EML6: variants seen among roughly 807,000 people sequenced by gnomAD.
The protein encoded by EML6 is echinoderm microtubule-associated protein-like 6.
A neutral mutation model predicts 240.1 loss-of-function variants in EML6; 154 were observed. The ratio of observed to expected loss-of-function variants is 0.64; its 90% CI spans 0.56 to 0.73. EML6 has a LOEUF of 0.73. Ranked by LOEUF, EML6 falls within the 30% of genes least tolerant of loss-of-function variation. EML6 has a pLI of 0.00. For synonymous variants in EML6, 1,148 were observed against 899.0 expected (o/e 1.28, Z -4.95); for missense variants, 2,964 against 2,474.6 (o/e 1.20, Z -4.20).
chr2:54,860,872 C>T (rs1050792185), intron 12 of EML6, among the ~76,000 whole-genome samples: 34 of 152,284 alleles, frequency 2.2e-4, no homozygotes, highest in African/African-American at 8.2e-4. Context: ...ACAGCTACCT[C>T]CCAGAGGACT....
chr2:54,857,178 G>T (rs1182441152), intron 11 of EML6, among the ~76,000 whole-genome samples: 1 of 152,218 alleles, frequency 6.6e-6, no homozygotes. Context: ...CTTGTTGTAA[G>T]TTAGGGGCCC....
intron 3 of EML6, among the ~76,000 whole-genome samples, chr2:54,814,969 A>C (rs1409211357): frequency 6.6e-6 from 1 of 152,240 alleles, no homozygotes; most frequent in East Asian, 1.9e-4. Context: ...TGACTTCCTG[A>C]ATAAACTGAA....
chr2:54,864,679 C>T (rs749506566), intron 13 of EML6, among the ~76,000 whole-genome samples: 6 of 152,212 alleles, frequency 3.9e-5, no homozygotes, highest in Non-Finnish European at 5.9e-5. Context: ...AGATATAGGC[C>T]TATGGCAGCT....
rs1669310659 is a variant in EML6, at chr2:54,789,552, A to AAAGAAT, written c.198-23679_198-23674dup. ...AAAAAAAAAAAAAAAAAAAAAAGAA[A>AAAGAAT]AAGAATGTGCTTTCCAAAGTAGACA... is the stretch of plus-strand genomic sequence containing the variant. On this transcript the variant is annotated intron_variant, in intron 2 of 41. Transcript: ENST00000356458. 3.5e-5 allele frequency among the ~76,000 whole-genome samples: 5 copies of AAAGAAT among 143,588 alleles called. No homozygotes were observed. The Admixed American group carries it at 3.5e-4, about 10-fold the overall frequency. 94.2% of individuals were successfully genotyped at this position (143,588 alleles called of 152,430 possible). A position where few individuals can be genotyped will look rare whatever the true frequency, so the allele number is the denominator to read the frequency against.
Position 54,790,958 on chromosome 2 carries a change from C to G in EML6, c.198-22274C>G, listed in dbSNP as rs907346799. ...GCCAGGATGGTCTCGATCTCCTGACCTCGTGATCCGCCCGCCTCGGCCTCC... is the reference window on the plus strand; with the variant it reads ...GCCAGGATGGTCTCGATCTCCTGACGTCGTGATCCGCCCGCCTCGGCCTCC... On this transcript the variant is annotated intron_variant, in intron 2 of 41. Transcript: ENST00000356458. Among the ~76,000 whole-genome samples the G allele has an allele frequency of 9.9e-5, 15 of 152,058 alleles. 1 individual carries two copies. Among genetic ancestry groups the G allele is most frequent in the Admixed American group, 9.2e-4 (14 of 15,250 alleles).
chr2:54,970,223 T>A lies in EML6; in HGVS notation c.*128T>A. 1 of 887,788 alleles carries A rather than the reference T, an allele frequency of 1.1e-6. No individual in the cohort carries two copies. Among genetic ancestry groups the A allele is most frequent in the Non-Finnish European group, 1.8e-6 (1 of 550,332 alleles). 55.0% of individuals were successfully genotyped at this position (887,788 alleles called of 1,614,324 possible). On this transcript the variant is annotated 3_prime_UTR_variant, in exon 42 of 42. Coordinates refer to ENST00000356458, the MANE Select transcript of EML6 (RefSeq NM_001039753.4). The stretch of plus-strand genomic sequence containing the variant: ...ACCATGCTGCCCCGGATGCACAAGC[T>A]CAAAACGCTGCAGAAGTTACACAAC...
intron 29 of EML6, 137 bp downstream of exon 29, chr2:54,949,097 T>G: frequency 1.5e-6 from 1 of 681,478 alleles, no homozygotes; most frequent in Non-Finnish European, 2.6e-6. Flanking sequence ...CCCCTCTCCC[T>G]CCTACGTAGC....
intron 2 of EML6, among the ~76,000 whole-genome samples, chr2:54,802,335 A>G (rs1358961802): frequency 2.0e-5 from 3 of 151,906 alleles, no homozygotes; most frequent in African/African-American, 4.8e-5. Flanking sequence ...CTTGGTAATA[A>G]TTTTAGTAGG....
chr2:54,804,537 C>G (rs2567845), intron 2 of EML6, among the ~76,000 whole-genome samples: 2 of 152,266 alleles, frequency 1.3e-5, no homozygotes, highest in South Asian at 4.1e-4. Flanking sequence ...ATAAATGTGA[C>G]ATAGCCATCA....
chr2:54,919,116 A>G (rs1004399616), intron 26 of EML6, among the ~76,000 whole-genome samples: 1 of 152,254 alleles, frequency 6.6e-6, no homozygotes, highest in Middle Eastern at 3.4e-3. Flanking sequence ...ACTCACGTAA[A>G]TGAGTTCTGT....
intron 22 of EML6, among the ~76,000 whole-genome samples, chr2:54,902,717 A>G (rs1336226282): frequency 6.6e-6 from 1 of 152,092 alleles, no homozygotes; most frequent in Non-Finnish European, 1.5e-5. Context: ...TACTTTTTGT[A>G]CAGGGTGGGT....
At chr2:54,833,569 C>T (rs1668984516) in intron 7 of EML6, among the ~76,000 whole-genome samples, 1 of 152,198 alleles carries the variant, frequency 6.6e-6, no homozygotes, top group African/African-American at 2.4e-5. Context: ...GTCACATTCA[C>T]ATCAAGAATT....
intron 16 of EML6, 111 bp downstream of exon 16, chr2:54,871,716 C>G: frequency 1.3e-6 from 1 of 764,302 alleles, no homozygotes; most frequent in Non-Finnish European, 2.3e-6. Flanking sequence ...AACATGCTCC[C>G]ACTTAGTCGT....
intron 2 of EML6, among the ~76,000 whole-genome samples, chr2:54,726,621 C>G (rs1448127794): frequency 6.6e-6 from 1 of 152,144 alleles, no homozygotes; most frequent in South Asian, 2.1e-4. Context: ...ACACAAATAG[C>G]TTTTTTTCTT....
Position 54,750,397 on chromosome 2 carries a change from A to G in EML6, c.197+25139A>G, listed in dbSNP as rs148712420. ...AAGAGCTGGTGTGAGCAGTTAGCTT[A>G]TTGGCATCACCACCACAGTTTTTTG... On this transcript the variant is annotated intron_variant, in intron 2 of 41. Transcript: ENST00000356458. Among the ~76,000 whole-genome samples, 744 of 152,276 alleles carry G rather than the reference A, an allele frequency of 4.9e-3. 2 individuals are homozygous for G. Among genetic ancestry groups the G allele is most frequent in the Non-Finnish European group, 7.0e-3 (478 of 68,004 alleles).
intron 32 of EML6, among the ~76,000 whole-genome samples, chr2:54,955,222 G>C (rs78364136): frequency 6.6e-6 from 1 of 152,166 alleles, no homozygotes; most frequent in Non-Finnish European, 1.5e-5. Context: ...TTCATTCCTT[G>C]TGATGTCAAG....
chr2:54,885,127 A>C (rs1672055567), intron 17 of EML6, among the ~76,000 whole-genome samples: 1 of 152,128 alleles, frequency 6.6e-6, no homozygotes, highest in Non-Finnish European at 1.5e-5. Flanking sequence ...ACTGCACTCC[A>C]GCCTGAGTGA....
intron 2 of EML6, among the ~76,000 whole-genome samples, chr2:54,785,156 C>T (rs1451558057): frequency 2.0e-5 from 3 of 148,626 alleles, no homozygotes; most frequent in South Asian, 2.1e-4. Context: ...GATTTCCACC[C>T]CCCCACACAC....
At chr2:54,829,924 T>C (rs1025957099) in intron 7 of EML6, among the ~76,000 whole-genome samples, 3 of 152,196 alleles carry the variant, frequency 2.0e-5, no homozygotes, top group Non-Finnish European at 4.4e-5. Context: ...TCAAACTCTT[T>C]TTACCTATGA....
Sources: gnomAD v4.1 joint callset for allele counts (sites outside exome capture counted in the v4.1 genomes callset) on GRCh38, gnomAD v4.1.1 for gene constraint, MANE v1.5 for transcripts, NCBI Gene and HGNC (gene_info 2026-07-23, HGNC 2026-07-21) for gene names.